The following RORA variants were observed in gnomAD, a reference collection of about 807,000 sequenced individuals.
The protein encoded by RORA is RAR related orphan receptor A.
In RORA, 7 loss-of-function variants were observed where a neutral mutation model predicts 69.5. The observed-to-expected ratio is 0.10, with a 90% confidence interval of 0.06 to 0.19. RORA has a LOEUF of 0.19. Among genes scored for constraint, RORA ranks in the 10% least tolerant of loss-of-function variants. The pLI is 1.00. For missense variants in RORA, 457 were observed against 663.0 expected (o/e 0.69, Z 3.41); for synonymous variants, 261 against 240.8 (o/e 1.08, Z -0.78).
intron 1 of RORA, among the ~76,000 whole-genome samples, chr15:61,043,033 A>T (rs1896858769): frequency 6.6e-6 from 1 of 152,188 alleles, no homozygotes; most frequent in Admixed American, 6.5e-5. Flanking sequence ...AGAGTGATGG[A>T]CATGGCGATG....
At chr15:60,892,591 C>T (rs554300379) in intron 1 of RORA, among the ~76,000 whole-genome samples, 1 of 152,206 alleles carries the variant, frequency 6.6e-6, no homozygotes, top group South Asian at 2.1e-4. Flanking sequence ...CCTGGTATCA[C>T]GAATATACAA....
chr15:60,880,162 A>T (rs1000734503), intron 1 of RORA, among the ~76,000 whole-genome samples: 3 of 152,210 alleles, frequency 2.0e-5, no homozygotes, highest in African/African-American at 4.8e-5. Context: ...GTTTCCAGGA[A>T]CATTTAAGGA....
At chr15:60,602,239 C>T (rs2068832261) in intron 2 of RORA, among the ~76,000 whole-genome samples, 1 of 152,120 alleles carries the variant, frequency 6.6e-6, no homozygotes, top group South Asian at 2.1e-4. Flanking sequence ...TCAAAGAGGG[C>T]ATTTGGTAAG....
At chr15:60,810,541 C>T (rs769573746) in intron 1 of RORA, among the ~76,000 whole-genome samples, 1 of 152,026 alleles carries the variant, frequency 6.6e-6, no homozygotes, top group African/African-American at 2.4e-5. Flanking sequence ...CCCTTCCCAT[C>T]CCCTGCTTAT....
chr15:61,148,235 G>A (rs2079368266), intron 1 of RORA, among the ~76,000 whole-genome samples: 1 of 152,192 alleles, frequency 6.6e-6, no homozygotes, highest in South Asian at 2.1e-4. Context: ...GAGTGGAAGG[G>A]AAACAGGAAG....
intron 1 of RORA, among the ~76,000 whole-genome samples, chr15:60,784,487 GTGTC>G (rs1038401896): frequency 6.6e-6 from 1 of 152,172 alleles, no homozygotes; most frequent in East Asian, 1.9e-4. Flanking sequence ...TTCCATCACT[GTGTC>G]TGTCTGTCTA....
intron 1 of RORA, among the ~76,000 whole-genome samples, chr15:60,791,003 CTGTCTATTGTTTCAT>C (rs1316862981): frequency 6.6e-6 from 1 of 151,896 alleles, no homozygotes; most frequent in African/African-American, 2.4e-5. Flanking sequence ...AAATCCAGGA[CTGTCTATTGTTTCAT>C]TGTCTTTTGC....
rs189821067 is a variant in RORA at position 61,046,792 on chromosome 15, G to C, written c.166+182261C>G. On this transcript the variant is annotated intron_variant, in intron 1 of 10. Transcript: ENST00000335670. ...GAAAAAACAGCCTTCAACAGAGAGG[G>C]AAGAAACAGCCTCCTCTGGTGTCAA... 6.6e-3 allele frequency among the ~76,000 whole-genome samples: 1,007 copies of C among 152,310 alleles called. 10 individuals are homozygous for C. Among genetic ancestry groups the C allele is most frequent in the South Asian group, 0.029 (141 of 4,832 alleles).
intron 1 of RORA, among the ~76,000 whole-genome samples, chr15:61,028,361 C>T (rs948922405): frequency 3.9e-5 from 6 of 152,176 alleles, no homozygotes; most frequent in African/African-American, 1.4e-4. Context: ...GAAATTCATA[C>T]AAACGGTCTA....
chr15:61,055,299 T>C (rs2078079938), intron 1 of RORA, among the ~76,000 whole-genome samples: 1 of 152,214 alleles, frequency 6.6e-6, no homozygotes, highest in South Asian at 2.1e-4. Flanking sequence ...TTTTGAGGGC[T>C]GCTTTTCATT....
At chr15:60,690,335 T>G (rs1031078782) in intron 1 of RORA, among the ~76,000 whole-genome samples, 1 of 152,184 alleles carries the variant, frequency 6.6e-6, no homozygotes, top group African/African-American at 2.4e-5. Flanking sequence ...TCCATGTCAC[T>G]TAAAAGGAAG....
At chr15:61,179,376 T>C (rs1327467437) in intron 1 of RORA, among the ~76,000 whole-genome samples, 2 of 152,178 alleles carry the variant, frequency 1.3e-5, no homozygotes, top group African/African-American at 4.8e-5. Context: ...AAGCCAGACA[T>C]AAAAGAGATA....
At position 61,022,608 on chromosome 15, in the gene RORA, G is replaced by A. The variant is rs191734798; in HGVS notation, c.166+206445C>T. On this transcript the variant is annotated intron_variant, in intron 1 of 10. Coordinates refer to ENST00000335670, the MANE Select transcript of RORA (RefSeq NM_134261.3). ...ATGGGGTCATATTCAGAGCCCCGCC[G>A]TGATAAATAAGACTCCTTTCTGTAC... Among the ~76,000 whole-genome samples, 22 of 152,258 alleles carry A rather than the reference G, an allele frequency of 1.4e-4. No individual in the cohort carries two copies. In the East Asian group the frequency reaches 3.3e-3, roughly 23 times the overall value.
At chr15:61,193,074 C>CTTAT (rs2079815537) in intron 1 of RORA, among the ~76,000 whole-genome samples, 12 of 7,818 alleles carry the variant, frequency 1.5e-3, no homozygotes, top group African/African-American at 2.7e-3. Context: ...TATTCTCTCT[C>CTTAT]CTATATCTTT....
intron 4 of RORA, 71 bp downstream of exon 4, chr15:60,514,545 T>A (rs114692956): frequency 1.3e-6 from 2 of 1,485,764 alleles, no homozygotes; most frequent in Non-Finnish European, 1.9e-6. Context: ...TATTGGCAGA[T>A]CTGAGTCCAG....
At chr15:60,557,411 G>A (rs1049217359) in intron 2 of RORA, among the ~76,000 whole-genome samples, 12 of 152,206 alleles carry the variant, frequency 7.9e-5, no homozygotes, top group African/African-American at 2.9e-4. Context: ...TCACAGAGGT[G>A]GTGGTTACAA....
At chr15:61,220,995 C>G (rs969164138) in intron 1 of RORA, among the ~76,000 whole-genome samples, 1 of 152,166 alleles carries the variant, frequency 6.6e-6, no homozygotes, top group African/African-American at 2.4e-5. Flanking sequence ...CCTATTTCAT[C>G]CTTCTTATCT....
At chr15:60,644,239 G>T (rs2069996054) in intron 2 of RORA, among the ~76,000 whole-genome samples, 2 of 152,150 alleles carry the variant, frequency 1.3e-5, no homozygotes, top group African/African-American at 4.8e-5. Flanking sequence ...TCTGTGGACA[G>T]GTATGTGAGT....
intron 1 of RORA, among the ~76,000 whole-genome samples, chr15:60,685,242 C>A (rs968327715): frequency 6.6e-6 from 1 of 152,158 alleles, no homozygotes. Context: ...CACTCCCTGC[C>A]ACATTCTCAA....
Sources: gnomAD v4.1 joint callset for allele counts (sites outside exome capture counted in the v4.1 genomes callset) on GRCh38, gnomAD v4.1.1 for gene constraint, MANE v1.5 for transcripts, NCBI Gene and HGNC (gene_info 2026-07-23, HGNC 2026-07-21) for gene names.